The following KHDRBS2 variants were observed in gnomAD, a reference collection of about 807,000 sequenced individuals.
KHDRBS2 encodes KH domain-containing, RNA-binding, signal transduction-associated protein 2.
KHDRBS2 carries 26 observed loss-of-function variants against 44.3 expected under a neutral mutation model. The ratio of observed to expected loss-of-function variants is 0.59; its 90% CI spans 0.43 to 0.81. The LOEUF is 0.81. Ranked by LOEUF, KHDRBS2 falls within the 40% of genes least tolerant of loss-of-function variation. The pLI, the probability that KHDRBS2 is intolerant of heterozygous loss-of-function variation, is 0.00. For synonymous variants in KHDRBS2, 194 were observed against 151.1 expected (o/e 1.28, Z -2.08); for missense variants, 476 against 433.1 (o/e 1.10, Z -0.88).
intron 6 of KHDRBS2, among the ~76,000 whole-genome samples, chr6:61,781,675 G>A (rs895441004): frequency 8.6e-5 from 13 of 151,968 alleles, no homozygotes; most frequent in Non-Finnish European, 1.3e-4. Flanking sequence ...GTCAAGTCAG[G>A]GCTTTTAGGA....
rs538476437 is a variant in KHDRBS2, at chr6:62,091,084, C to T, written c.220-43090G>A. 7.9e-5 allele frequency among the ~76,000 whole-genome samples: 12 copies of T among 152,224 alleles called. No individual in the cohort carries two copies. The South Asian group carries it at 2.3e-3, about 29-fold the overall frequency. ...TGTTGCTCTGCCATCTGGAACAGAG[C>T]AAGAATACTATCTGGGTGCCTGATT... On this transcript the variant is annotated intron_variant, in intron 2 of 8. Coordinates refer to ENST00000281156, the MANE Select transcript of KHDRBS2 (RefSeq NM_152688.4).
intron 4 of KHDRBS2, among the ~76,000 whole-genome samples, chr6:61,908,565 C>T (rs1359944816): frequency 7.5e-5 from 11 of 147,124 alleles, no homozygotes; most frequent in South Asian, 2.2e-4. Context: ...ACCCGGCAGG[C>T]GGAGCTTGCA....
intron 6 of KHDRBS2, among the ~76,000 whole-genome samples, chr6:61,806,088 T>C (rs1347840159): frequency 2.0e-5 from 3 of 152,306 alleles, no homozygotes; most frequent in East Asian, 3.9e-4. Context: ...CAATATTTCA[T>C]ATCCAACTCA....
the KHDRBS2 span, among the ~76,000 whole-genome samples, chr6:61,627,371 G>T: frequency 2.6e-5 from 4 of 151,614 alleles, no homozygotes; most frequent in South Asian, 8.3e-4. Context: ...GTTATTTATG[G>T]TTTATTAGCA....
At chr6:61,690,160 G>A (rs1767235242) in intron 8 of KHDRBS2, among the ~76,000 whole-genome samples, 1 of 151,702 alleles carries the variant, frequency 6.6e-6, no homozygotes, top group South Asian at 2.1e-4. Context: ...TGGAAATTCT[G>A]TAATGATTTC....
chr6:62,049,923 A>C (rs1788600698), intron 2 of KHDRBS2, among the ~76,000 whole-genome samples: 1 of 152,118 alleles, frequency 6.6e-6, no homozygotes, highest in African/African-American at 2.4e-5. Flanking sequence ...CACTTGACTC[A>C]GCAATCCCAT....
At chr6:61,947,569 A>G (rs1296982944) in intron 4 of KHDRBS2, among the ~76,000 whole-genome samples, 1 of 152,118 alleles carries the variant, frequency 6.6e-6, no homozygotes, top group Non-Finnish European at 1.5e-5. Flanking sequence ...GCAGCCAAGA[A>G]TCCTTGACAG....
At chr6:61,796,866 T>C (rs1464293007) in intron 6 of KHDRBS2, among the ~76,000 whole-genome samples, 1 of 152,142 alleles carries the variant, frequency 6.6e-6, no homozygotes, top group African/African-American at 2.4e-5. Context: ...TCATGTAGTA[T>C]GAAGACTGCC....
At chr6:61,860,917 T>C (rs572312951) in intron 6 of KHDRBS2, among the ~76,000 whole-genome samples, 1 of 152,230 alleles carries the variant, frequency 6.6e-6, no homozygotes, top group South Asian at 2.1e-4. Context: ...ACATTCTGGC[T>C]GGTGTGAGAT....
intron 3 of KHDRBS2, among the ~76,000 whole-genome samples, chr6:62,020,070 C>T (rs1322097903): frequency 3.3e-5 from 5 of 151,790 alleles, no homozygotes; most frequent in African/African-American, 7.3e-5. Flanking sequence ...TGAAGTTCCA[C>T]CTAAATTTGA....
chr6:62,048,006 A>C lies in KHDRBS2; in HGVS notation c.220-12T>G. The C allele has an allele frequency of 7.9e-7, 1 of 1,268,882 alleles. No individual in the cohort carries two copies. Among genetic ancestry groups the C allele is most frequent in the South Asian group, 1.2e-5 (1 of 84,208 alleles). The allele number at this position is 1,268,882 out of a possible 1,614,324, so 78.6% of individuals were successfully genotyped here. On this transcript the variant is annotated splice_polypyrimidine_tract_variant and intron_variant, in intron 2 of 8. Transcript: ENST00000281156. Reference sequence around the variant, plus strand: ...CCCACAAAATTGAACTAGGAAACAAAATCAATAGAATGTCTGTTTTAAGGT... The same window carrying C: ...CCCACAAAATTGAACTAGGAAACAACATCAATAGAATGTCTGTTTTAAGGT...
At chr6:62,114,259 A>C (rs1243333711) in intron 2 of KHDRBS2, among the ~76,000 whole-genome samples, 1 of 152,106 alleles carries the variant, frequency 6.6e-6, no homozygotes, top group Non-Finnish European at 1.5e-5. Context: ...CAAGGTGCAT[A>C]AGATGCTTCA....
At chr6:61,576,233 A>G in the KHDRBS2 span, among the ~76,000 whole-genome samples, 1 of 152,052 alleles carries the variant, frequency 6.6e-6, no homozygotes, top group African/African-American at 2.4e-5. Context: ...ATGTTGGTTC[A>G]TTTTTTTGGG....
chr6:61,612,497 G>A, the KHDRBS2 span, among the ~76,000 whole-genome samples: 15 of 152,070 alleles, frequency 9.9e-5, no homozygotes, highest in African/African-American at 2.2e-4. Flanking sequence ...CTTTAAAATG[G>A]TTATAGTCAT....
chr6:61,903,780 T>C (rs1309378055), intron 4 of KHDRBS2, among the ~76,000 whole-genome samples: 4 of 152,176 alleles, frequency 2.6e-5, no homozygotes, highest in Non-Finnish European at 1.5e-5. Context: ...TTATGCCACC[T>C]GGTGAAGAAG....
intron 2 of KHDRBS2, among the ~76,000 whole-genome samples, chr6:62,105,819 G>C (rs1803103075): frequency 6.6e-6 from 1 of 152,058 alleles, no homozygotes; most frequent in Non-Finnish European, 1.5e-5. Context: ...CCTTCTGCTA[G>C]CTTTTGAATG....
chr6:61,765,085 C>T (rs1217762094), intron 6 of KHDRBS2, among the ~76,000 whole-genome samples: 1 of 152,062 alleles, frequency 6.6e-6, no homozygotes, highest in Non-Finnish European at 1.5e-5. Flanking sequence ...CAGAAGGGTA[C>T]AGAGAATTTA....
chr6:61,903,090 T>G (rs577109984), intron 4 of KHDRBS2, among the ~76,000 whole-genome samples: 1 of 152,338 alleles, frequency 6.6e-6, no homozygotes, highest in East Asian at 1.9e-4. Context: ...ATTATTCAAT[T>G]TCTACCTCAT....
intron 1 of KHDRBS2, among the ~76,000 whole-genome samples, chr6:62,257,774 A>C (rs1240815595): frequency 6.6e-6 from 1 of 152,028 alleles, no homozygotes; most frequent in African/African-American, 2.4e-5. Context: ...CTGCTTCCCA[A>C]TAAGATTTTA....
Sources: allele counts gnomAD v4.1 joint callset (sites outside exome capture counted in the v4.1 genomes callset), GRCh38; gene constraint gnomAD v4.1.1; transcripts MANE v1.5; gene names NCBI Gene and HGNC (gene_info 2026-07-23, HGNC 2026-07-21).